PRKCA: variants seen among roughly 807,000 people sequenced by gnomAD.
The protein encoded by PRKCA is protein kinase C alpha type.
Under a neutral mutation model 87.0 loss-of-function variants are expected in PRKCA, and 27 were observed. That is an observed-to-expected ratio of 0.31 (90% CI 0.23 to 0.43). The LOEUF (loss-of-function observed/expected upper bound fraction) is 0.43. Ranked by LOEUF, PRKCA falls within the 20% of genes least tolerant of loss-of-function variation. The pLI is 1.00. For synonymous variants in PRKCA, 329 were observed against 311.1 expected (o/e 1.06, Z -0.61); for missense variants, 518 against 852.3 (o/e 0.61, Z 4.88).
intron 3 of PRKCA, among the ~76,000 whole-genome samples, chr17:66,574,781 G>A (rs1017332714): frequency 6.6e-5 from 10 of 150,912 alleles, no homozygotes; most frequent in Non-Finnish European, 1.5e-4. Flanking sequence ...TTTTGGCTAA[G>A]GGATACCCAA....
At chr17:66,714,303 A>G (rs984961241) in intron 8 of PRKCA, among the ~76,000 whole-genome samples, 2 of 151,720 alleles carry the variant, frequency 1.3e-5, no homozygotes, top group African/African-American at 4.9e-5. Context: ...ATGGGGCCAG[A>G]GAGCTAGGGT....
At chr17:66,384,919 T>C (rs12600514) in intron 2 of PRKCA, among the ~76,000 whole-genome samples, 14,123 of 152,256 alleles carry the variant, frequency 0.093, 750 homozygotes, top group African/African-American at 0.13. Flanking sequence ...TGTGAGCCAC[T>C]GCACCTGGCT....
chr17:66,335,150 G>C (rs895163146), intron 2 of PRKCA, among the ~76,000 whole-genome samples: 1 of 151,928 alleles, frequency 6.6e-6, no homozygotes, highest in Non-Finnish European at 1.5e-5. Context: ...TTTTTTTGAG[G>C]CAGGGTCTCA....
At chr17:66,313,621 C>T (rs762271931) in intron 2 of PRKCA, among the ~76,000 whole-genome samples, 2 of 152,124 alleles carry the variant, frequency 1.3e-5, no homozygotes, top group Non-Finnish European at 2.9e-5. Flanking sequence ...GCTTTTAGTA[C>T]TTGTTTGGTA....
chr17:66,383,586 A>G (rs1295715921), intron 2 of PRKCA, among the ~76,000 whole-genome samples: 1 of 152,178 alleles, frequency 6.6e-6, no homozygotes, highest in Non-Finnish European at 1.5e-5. Flanking sequence ...GCCTTTCTGT[A>G]CTTACTGCGA....
rs147087129 is a variant in PRKCA, at chr17:66,678,396, G to A, written c.530-8715G>A. 4.0e-3 allele frequency among the ~76,000 whole-genome samples: 602 copies of A among 152,278 alleles called. 3 individuals carry two copies. The highest frequency in any genetic ancestry group is 6.7e-3 in the African/African-American group (279 of 41,566). On this transcript the variant is annotated intron_variant, in intron 5 of 16. Coordinates refer to ENST00000413366, the MANE Select transcript of PRKCA (RefSeq NM_002737.3). ...CTGTTGTCTTAACTGGGAAGTTTGC[G>A]TATACTTTGTTCCAGCAGCCACAGG...
chr17:66,659,269 T>C (rs1281880154), intron 5 of PRKCA, among the ~76,000 whole-genome samples: 1 of 152,178 alleles, frequency 6.6e-6, no homozygotes, highest in East Asian at 1.9e-4. Flanking sequence ...GTCCGGTGAT[T>C]TTCAAACAAG....
intron 2 of PRKCA, among the ~76,000 whole-genome samples, chr17:66,413,938 A>G (rs903640906): frequency 6.6e-6 from 1 of 151,520 alleles, no homozygotes; most frequent in African/African-American, 2.4e-5. Flanking sequence ...CGCTTGAACC[A>G]GGAGGCAGAG....
At chr17:66,619,781 T>C (rs1970622826) in intron 3 of PRKCA, among the ~76,000 whole-genome samples, 1 of 152,000 alleles carries the variant, frequency 6.6e-6, no homozygotes, top group Admixed American at 6.5e-5. Flanking sequence ...CCTTTAAACC[T>C]CCAAAAGGGA....
rs1013986803 is a variant in PRKCA at position 66,803,553 on chromosome 17, G to A, written c.1855-320G>A. Among the ~76,000 whole-genome samples, 6 of 152,188 alleles carry A rather than the reference G, an allele frequency of 3.9e-5. No homozygotes were observed. Among genetic ancestry groups the A allele is most frequent in the Admixed American group, 6.5e-5 (1 of 15,288 alleles). On this transcript the variant is annotated intron_variant, in intron 16 of 16. Coordinates refer to ENST00000413366, the MANE Select transcript of PRKCA (RefSeq NM_002737.3). The surrounding 1 kb of genome is among the most constrained non-coding windows in gnomAD (Gnocchi z 4.4). The stretch of plus-strand genomic sequence containing the variant: ...TGACGGCCCTGCGTGCGTGGCTTCC[G>A]TGCTCTCAGCTCCGCTTGCTCGGTG...
At chr17:66,479,950 C>T (rs1915705025) in intron 2 of PRKCA, among the ~76,000 whole-genome samples, 1 of 151,554 alleles carries the variant, frequency 6.6e-6, no homozygotes, top group Non-Finnish European at 1.5e-5. Flanking sequence ...ACAGCAAACC[C>T]CCATGACACA....
chr17:66,556,876 T>G (rs751822622), intron 3 of PRKCA, among the ~76,000 whole-genome samples: 12 of 152,166 alleles, frequency 7.9e-5, no homozygotes, highest in Non-Finnish European at 1.5e-4. Context: ...CTCGGGTATG[T>G]CCTTATAACA....
intron 2 of PRKCA, among the ~76,000 whole-genome samples, chr17:66,335,588 C>CA (rs562281905): frequency 0.02 from 2,640 of 129,854 alleles, 39 homozygotes; most frequent in African/African-American, 0.05. Context: ...CCCCACTGCC[C>CA]AAAAAAAAAA....
intron 3 of PRKCA, among the ~76,000 whole-genome samples, chr17:66,503,190 TG>T (rs763468584): frequency 9.2e-5 from 14 of 152,200 alleles, no homozygotes; most frequent in Admixed American, 6.5e-5. Flanking sequence ...CTCGCGTTTT[TG>T]TTGAGCCATT....
chr17:66,568,101 G>A (rs1002618759), intron 3 of PRKCA, among the ~76,000 whole-genome samples: 19 of 152,162 alleles, frequency 1.2e-4, no homozygotes, highest in African/African-American at 3.6e-4. Flanking sequence ...GATCACTTGA[G>A]GTCAGTAGTT....
At chr17:66,361,201 C>T (rs1377761523) in intron 2 of PRKCA, among the ~76,000 whole-genome samples, 2 of 151,998 alleles carry the variant, frequency 1.3e-5, no homozygotes, top group African/African-American at 4.8e-5. Context: ...ATCAACCAAA[C>T]CAAATGTCAA....
At chr17:66,758,978 TAGA>T (rs1267887188) in intron 13 of PRKCA, among the ~76,000 whole-genome samples, 2 of 152,148 alleles carry the variant, frequency 1.3e-5, no homozygotes, top group African/African-American at 4.8e-5. Flanking sequence ...AGAGCAGTGA[TAGA>T]AGGGATAAGA....
At chr17:66,747,918 G>A (rs1426448834) in intron 13 of PRKCA, among the ~76,000 whole-genome samples, 2 of 152,214 alleles carry the variant, frequency 1.3e-5, no homozygotes, top group African/African-American at 4.8e-5. Flanking sequence ...GTTCCAGGCC[G>A]GGGGGTGCCG....
At chr17:66,478,768 G>T (rs1915645249) in intron 2 of PRKCA, among the ~76,000 whole-genome samples, 1 of 151,936 alleles carries the variant, frequency 6.6e-6, no homozygotes, top group Non-Finnish European at 1.5e-5. Context: ...GTATCACGTT[G>T]GTCTGTGTCC....
Sources: allele counts gnomAD v4.1 joint callset (sites outside exome capture counted in the v4.1 genomes callset), GRCh38; gene constraint gnomAD v4.1.1; non-coding constraint Gnocchi (gnomAD v3.1); transcripts MANE v1.5; gene names NCBI Gene and HGNC (gene_info 2026-07-23, HGNC 2026-07-21).